The following SVOPL variants were observed in gnomAD, a reference collection of about 807,000 sequenced individuals.
The protein encoded by SVOPL is SVOP like.
In SVOPL, 60 loss-of-function variants were observed where a neutral mutation model predicts 61.0. That is an observed-to-expected ratio of 0.98 (90% CI 0.80 to 1.22). SVOPL has a LOEUF of 1.22. SVOPL is among the 50% of genes most tolerant of loss of function. The pLI, the probability that SVOPL is intolerant of heterozygous loss-of-function variation, is 0.00. For missense variants in SVOPL, 662 were observed against 643.9 expected, an observed-to-expected ratio of 1.03 and a Z score of -0.30; for synonymous variants, 279 against 250.0, an observed-to-expected ratio of 1.12 and a Z score of -1.09.
intron 1 of SVOPL, among the ~76,000 whole-genome samples, chr7:138,685,869 CA>C (rs34613824): frequency 0.24 from 33,103 of 138,962 alleles, 4,368 homozygotes; most frequent in African/African-American, 0.4. Flanking sequence ...AAGACTGTCT[CA>C]AAAAAAAAAT....
intron 1 of SVOPL, among the ~76,000 whole-genome samples, chr7:138,688,224 A>G (rs1802862805): frequency 6.6e-6 from 1 of 152,174 alleles, no homozygotes; most frequent in Non-Finnish European, 1.5e-5. Flanking sequence ...AATGCAAATC[A>G]AAACCACAAG....
chr7:138,677,887 C>T (rs894518507), intron 3 of SVOPL, among the ~76,000 whole-genome samples: 2 of 151,860 alleles, frequency 1.3e-5, no homozygotes, highest in Admixed American at 1.3e-4. Context: ...CTCAGCCTCC[C>T]GAGTAGCTGG....
At chr7:138,667,970 C>A (rs113778505) in intron 4 of SVOPL, among the ~76,000 whole-genome samples, 1,798 of 152,304 alleles carry the variant, frequency 0.012, 21 homozygotes, top group South Asian at 0.057. Context: ...AAATTAGCCA[C>A]AAGATTAGAA....
intron 9 of SVOPL, among the ~76,000 whole-genome samples, chr7:138,644,131 G>A (rs755952973): frequency 1.8e-4 from 26 of 144,672 alleles, no homozygotes; most frequent in Admixed American, 2.2e-4. Context: ...AACCCGGGAG[G>A]TAGAGGTTGC....
chr7:138,666,143 C>G (rs891468874), intron 4 of SVOPL, among the ~76,000 whole-genome samples: 2 of 152,228 alleles, frequency 1.3e-5, no homozygotes, highest in Admixed American at 6.5e-5. Flanking sequence ...ACTTATGTAG[C>G]CTTCCTCATT....
At chr7:138,679,172 A>G in intron 1 of SVOPL, 93 bp from the exon 2 acceptor site, 3 of 848,370 alleles carry the variant, frequency 3.5e-6, no homozygotes, top group Non-Finnish European at 5.4e-6. Context: ...AATTTCCTGA[A>G]GCCCTCACAA....
At chr7:138,687,854 T>C (rs1202140126) in intron 1 of SVOPL, among the ~76,000 whole-genome samples, 1 of 151,654 alleles carries the variant, frequency 6.6e-6, no homozygotes, top group Non-Finnish European at 1.5e-5. Context: ...CAGGCTGGAG[T>C]GCAGTGGCAT....
intron 3 of SVOPL, among the ~76,000 whole-genome samples, chr7:138,672,370 AT>A (rs1802444345): frequency 6.6e-6 from 1 of 152,144 alleles, no homozygotes; most frequent in South Asian, 2.1e-4. Context: ...TTCACTTATG[AT>A]TTTGCTGACC....
chr7:138,675,440 A>T (rs867402205), intron 3 of SVOPL, among the ~76,000 whole-genome samples: 2 of 151,596 alleles, frequency 1.3e-5, no homozygotes, highest in Admixed American at 6.6e-5. Context: ...TGCAACCTCC[A>T]TCTCCCGGGT....
At chr7:138,645,166 CT>C (rs1158142420) in intron 8 of SVOPL, among the ~76,000 whole-genome samples, 5 of 152,020 alleles carry the variant, frequency 3.3e-5, no homozygotes, top group Non-Finnish European at 5.9e-5. Flanking sequence ...GCGGGCACCC[CT>C]CTCCACCCCC....
chr7:138,641,833 T>TATATATATATATATAA (rs1554464901), intron 9 of SVOPL, among the ~76,000 whole-genome samples: 8 of 37,222 alleles, frequency 2.1e-4, no homozygotes, highest in South Asian at 1.7e-3. Context: ...TATATATATA[T>TATATATATATATATAA]AACATATATA....
intron 9 of SVOPL, among the ~76,000 whole-genome samples, chr7:138,643,941 C>T (rs887956555): frequency 7.9e-5 from 12 of 151,946 alleles, no homozygotes; most frequent in African/African-American, 2.2e-4. Context: ...AATTTAGACA[C>T]GCCTATAATC....
chr7:138,612,552 A>G lies in SVOPL; in HGVS notation c.1353+8494T>C, dbSNP rs1456319464. Among the ~76,000 whole-genome samples the G allele has an allele frequency of 1.3e-4, 19 of 141,568 alleles. 1 individual carries two copies. Among genetic ancestry groups the G allele is most frequent in the Admixed American group, 1.0e-3 (14 of 13,842 alleles). The allele number at this position is 141,568 out of a possible 152,430, so 92.9% of individuals were successfully genotyped here. A position where few individuals can be genotyped will look rare whatever the true frequency, so the allele number is the denominator to read the frequency against. On this transcript the variant is annotated intron_variant, in intron 14 of 15. Coordinates refer to ENST00000674285, the MANE Select transcript of SVOPL (RefSeq NM_001139456.2). ...GGTGAGAGAGAGAAAGTCTCGCTCT[A>G]TCGCCCAGGCTGGAGTATAGTGGTG...
chr7:138,689,616 T>C (rs1802895272), intron 1 of SVOPL: 2 of 396,850 alleles, frequency 5.0e-6, no homozygotes, highest in Non-Finnish European at 9.2e-6. Context: ...CCCAACACTT[T>C]GGGAGGCTGA....
At chr7:138,644,310 C>A (rs1004568780) in intron 9 of SVOPL, among the ~76,000 whole-genome samples, 1 of 151,468 alleles carries the variant, frequency 6.6e-6, no homozygotes. Flanking sequence ...GCCAATTTCA[C>A]CAAATGTTCA....
chr7:138,621,391 A>T (rs984119281), intron 13 of SVOPL, among the ~76,000 whole-genome samples: 1 of 152,232 alleles, frequency 6.6e-6, no homozygotes, highest in South Asian at 2.1e-4. Flanking sequence ...GAAGATTCCA[A>T]ATATAATTTT....
At chr7:138,680,512 A>G (rs1802676782) in intron 1 of SVOPL, among the ~76,000 whole-genome samples, 1 of 151,176 alleles carries the variant, frequency 6.6e-6, no homozygotes, top group African/African-American at 2.4e-5. Flanking sequence ...CTAAAAGCCA[A>G]AAGAAAACTA....
chr7:138,672,135 C>A lies in SVOPL; in HGVS notation c.175-18G>T, dbSNP rs1034536881. 1.1e-5 allele frequency: 17 copies of A among 1,549,478 alleles called. No homozygotes were observed. In the Admixed American group the frequency reaches 2.4e-4, roughly 21 times the overall value. On this transcript the variant is annotated intron_variant, in intron 3 of 15. Coordinates refer to ENST00000674285, the MANE Select transcript of SVOPL (RefSeq NM_001139456.2). The stretch of plus-strand genomic sequence containing the variant: ...TCAACCACCTTAAAGAAGAGGGACA[C>A]CATGCCATGTCTAAGTGCCAGCTTG...
chr7:138,608,195 T>C (rs185662245), intron 14 of SVOPL, among the ~76,000 whole-genome samples: 32 of 152,366 alleles, frequency 2.1e-4, no homozygotes, highest in Admixed American at 7.2e-4. Context: ...ATTTTTCCTC[T>C]ATTAGCTGTT....
Sources: gnomAD v4.1 joint callset for allele counts (sites outside exome capture counted in the v4.1 genomes callset) on GRCh38, gnomAD v4.1.1 for gene constraint, MANE v1.5 for transcripts, NCBI Gene and HGNC (gene_info 2026-07-23, HGNC 2026-07-21) for gene names.